Variants in THSD4 observed in about 807,000 individuals in gnomAD.
The protein encoded by THSD4 is thrombospondin type-1 domain-containing protein 4.
Under a neutral mutation model 119.0 loss-of-function variants are expected in THSD4, and 69 were observed. The observed-to-expected ratio is 0.58, with a 90% CI of 0.48 to 0.71. THSD4 has a LOEUF of 0.71. Ranked by LOEUF, THSD4 falls within the 30% of genes least tolerant of loss-of-function variation. The pLI, the probability that THSD4 is intolerant of heterozygous loss-of-function variation, is 0.00. For missense variants in THSD4, 1,393 were observed against 1,391.1 expected (o/e 1.00, Z -0.02); for synonymous variants, 524 against 540.4 (o/e 0.97, Z 0.42).
chr15:71,568,949 G>A (rs2049296733), intron 7 of THSD4, among the ~76,000 whole-genome samples: 1 of 152,084 alleles, frequency 6.6e-6, no homozygotes, highest in Non-Finnish European at 1.5e-5. Context: ...TTTACTGCTT[G>A]TCTATAGAGT....
intron 7 of THSD4, among the ~76,000 whole-genome samples, chr15:71,492,713 T>C (rs2047940298): frequency 6.6e-6 from 1 of 152,112 alleles, no homozygotes. Flanking sequence ...TTTCCCTTTG[T>C]GTCCCAGGTC....
intron 4 of THSD4, among the ~76,000 whole-genome samples, chr15:71,219,773 G>A (rs1321229110): frequency 3.3e-5 from 5 of 152,278 alleles, no homozygotes; most frequent in South Asian, 4.2e-4. Context: ...CAATGAAACC[G>A]AGGCTGGGAG....
intron 8 of THSD4, among the ~76,000 whole-genome samples, chr15:71,695,021 T>G (rs1307260304): frequency 6.6e-6 from 1 of 152,116 alleles, no homozygotes; most frequent in Non-Finnish European, 1.5e-5. Flanking sequence ...TGAATTCACA[T>G]CTCATTCTGT....
At chr15:71,331,612 C>T (rs892506109) in intron 6 of THSD4, among the ~76,000 whole-genome samples, 5 of 152,108 alleles carry the variant, frequency 3.3e-5, no homozygotes, top group Non-Finnish European at 5.9e-5. Flanking sequence ...GGAGGAACCC[C>T]TGATTTAGAT....
intron 9 of THSD4, 98 bp downstream of exon 9, chr15:71,728,822 C>G: frequency 1.3e-6 from 2 of 1,493,414 alleles, no homozygotes; most frequent in Non-Finnish European, 1.8e-6. Context: ...ATTGCCCATA[C>G]TCAATAAAAA....
At chr15:71,366,870 C>A (rs1281962571) in intron 6 of THSD4, among the ~76,000 whole-genome samples, 1 of 152,176 alleles carries the variant, frequency 6.6e-6, no homozygotes, top group African/African-American at 2.4e-5. Context: ...CCAAATCGAA[C>A]CCTCTAATGG....
At position 71,242,850 on chromosome 15, in the gene THSD4, G is replaced by T. The variant is rs368631099; in HGVS notation, c.666G>T (p.Gly222=). The part of the protein sequence containing the change: ...SSPAHQVPQH[G]PLYQSDSGPR... Reference sequence around the variant, plus strand: ...CAGCCCACCAGGTCCCCCAACATGGGCCTTTGTACCAAAGTGACAGTGGCC... The same window carrying T: ...CAGCCCACCAGGTCCCCCAACATGGTCCTTTGTACCAAAGTGACAGTGGCC... Residue 222 remains glycine, a synonymous_variant, in exon 5 of 18, where the codon GGG becomes GGT. Transcript: ENST00000261862. 2.7e-5 allele frequency: 43 copies of T among 1,614,072 alleles called. No homozygotes were observed. The highest frequency in any genetic ancestry group is 3.5e-5 in the Non-Finnish European group (41 of 1,180,050).
At chr15:71,174,306 G>A (rs1433274269) in intron 3 of THSD4, among the ~76,000 whole-genome samples, 3 of 152,090 alleles carry the variant, frequency 2.0e-5, no homozygotes, top group Admixed American at 6.5e-5. Flanking sequence ...GAAGCAGGGC[G>A]AGGCATTGCC....
At chr15:71,656,362 A>C (rs767795107) in intron 7 of THSD4, among the ~76,000 whole-genome samples, 1 of 152,244 alleles carries the variant, frequency 6.6e-6, no homozygotes, top group Non-Finnish European at 1.5e-5. Context: ...TATGAGTCTT[A>C]CACTATTTCA....
At chr15:71,210,680 T>C (rs191792327) in intron 3 of THSD4, among the ~76,000 whole-genome samples, 87 of 152,334 alleles carry the variant, frequency 5.7e-4, no homozygotes, top group Non-Finnish European at 8.4e-4. Context: ...ATGTTTCAAC[T>C]GAACACTTAA....
intron 6 of THSD4, among the ~76,000 whole-genome samples, chr15:71,277,536 A>G (rs1849136376): frequency 6.6e-6 from 1 of 152,206 alleles, no homozygotes; most frequent in Non-Finnish European, 1.5e-5. Context: ...CTTAGCTGCA[A>G]ATCTAGGCTT....
chr15:71,595,449 C>G (rs1320883048), intron 7 of THSD4, among the ~76,000 whole-genome samples: 2 of 152,284 alleles, frequency 1.3e-5, no homozygotes, highest in Admixed American at 1.3e-4. Context: ...CCTCATTTTT[C>G]TCTTGCCACC....
At chr15:71,343,737 A>T (rs1299087876) in intron 6 of THSD4, among the ~76,000 whole-genome samples, 7 of 125,098 alleles carry the variant, frequency 5.6e-5, no homozygotes, top group Non-Finnish European at 1.0e-4. Context: ...TTTTTTTGAG[A>T]TAGGGTGTTG....
chr15:71,133,027 C>T (rs1427003419), intron 1 of THSD4, among the ~76,000 whole-genome samples: 1 of 152,206 alleles, frequency 6.6e-6, no homozygotes, highest in Non-Finnish European at 1.5e-5. Flanking sequence ...AAGGGCAGCA[C>T]ATCAGAAAAG....
At chr15:71,398,162 A>C (rs1036261736) in intron 6 of THSD4, among the ~76,000 whole-genome samples, 1 of 152,220 alleles carries the variant, frequency 6.6e-6, no homozygotes, top group African/African-American at 2.4e-5. Flanking sequence ...TCCAGAAGTC[A>C]CATCTGCAAG....
intron 1 of THSD4, among the ~76,000 whole-genome samples, chr15:71,118,411 G>A (rs1180253883): frequency 6.6e-6 from 1 of 151,986 alleles, no homozygotes; most frequent in African/African-American, 2.4e-5. Flanking sequence ...ATCCCACCCA[G>A]CCTTTCTTGC....
Position 71,395,914 on chromosome 15 carries a change from GACACACACACAC to G in THSD4, c.1016-15745_1016-15734del, listed in dbSNP as rs58433075. Among the ~76,000 whole-genome samples the G allele has an allele frequency of 1.4e-3, 184 of 133,380 alleles. 1 individual carries two copies. Among genetic ancestry groups the G allele is most frequent in the Admixed American group, 4.1e-3 (52 of 12,778 alleles). 87.5% of individuals were successfully genotyped at this position (133,380 alleles called of 152,430 possible). On this transcript the variant is annotated intron_variant, in intron 6 of 17. Transcript: ENST00000261862. ...TCTGCTTCTCAGTGTTTTGAAGAGA[GACACACACACAC>G]ACACACACACACACACACACACACA... is the stretch of plus-strand genomic sequence containing the variant.
Position 71,277,736 on chromosome 15 carries a change from C to T in THSD4, c.1015+21021C>T, listed in dbSNP as rs1328571396. ...TTTCTGGGTTTTTGCTTCTCTCTGT[C>T]TTTCCTATTCTGTGACTGTCACTGC... On this transcript the variant is annotated intron_variant, in intron 6 of 17. Transcript: ENST00000261862. Among the ~76,000 whole-genome samples the T allele has an allele frequency of 2.6e-5, 4 of 152,326 alleles. No individual in the cohort carries two copies. In the East Asian group the frequency reaches 7.7e-4, roughly 29 times the overall value.
At chr15:71,218,263 G>A (rs2043950455) in intron 4 of THSD4, among the ~76,000 whole-genome samples, 1 of 152,206 alleles carries the variant, frequency 6.6e-6, no homozygotes, top group African/African-American at 2.4e-5. Context: ...GACAAGCTGA[G>A]TTTTGAAGGC....
Sources: allele counts gnomAD v4.1 joint callset (sites outside exome capture counted in the v4.1 genomes callset), GRCh38; gene constraint gnomAD v4.1.1; transcripts MANE v1.5; gene names NCBI Gene and HGNC (gene_info 2026-07-23, HGNC 2026-07-21).